Variants in HNRNPC observed in about 807,000 individuals in gnomAD.
The protein encoded by HNRNPC is heterogeneous nuclear ribonucleoproteins C1/C2.
Under a neutral mutation model 33.2 loss-of-function variants are expected in HNRNPC, and 3 were observed. The ratio of observed to expected loss-of-function variants is 0.09; its 90% CI spans 0.04 to 0.23. The LOEUF (loss-of-function observed/expected upper bound fraction) is 0.23. Among genes scored for constraint, HNRNPC ranks in the 10% least tolerant of loss-of-function variants. HNRNPC has a pLI of 1.00. For missense variants in HNRNPC, 143 were observed against 366.7 expected (o/e 0.39, Z 4.98); for synonymous variants, 121 against 126.7 (o/e 0.96, Z 0.30).
At chr14:21,232,509 A>G (rs1239163163) in intron 3 of HNRNPC, among the ~76,000 whole-genome samples, 2 of 151,938 alleles carry the variant, frequency 1.3e-5, no homozygotes, top group East Asian at 3.9e-4. Flanking sequence ...GGCTGGGATT[A>G]CCGGTACCCA....
chr14:21,255,061 T>C (rs1183434028), intron 2 of HNRNPC, among the ~76,000 whole-genome samples: 5 of 152,276 alleles, frequency 3.3e-5, no homozygotes, highest in South Asian at 2.1e-4. Context: ...AACCCACTTA[T>C]GTGAAGATTT....
intron 2 of HNRNPC, among the ~76,000 whole-genome samples, chr14:21,248,999 G>A (rs1896314730): frequency 6.6e-6 from 1 of 152,144 alleles, no homozygotes; most frequent in African/African-American, 2.4e-5. Flanking sequence ...TTGACGTGGA[G>A]GAGCATAACC....
At chr14:21,245,128 G>A (rs1488744470) in intron 2 of HNRNPC, among the ~76,000 whole-genome samples, 1 of 149,480 alleles carries the variant, frequency 6.7e-6, no homozygotes, top group Admixed American at 6.7e-5. Flanking sequence ...AACAAGGGCT[G>A]AGTCTAAGTT....
intron 2 of HNRNPC, among the ~76,000 whole-genome samples, chr14:21,251,792 G>C (rs1277181512): frequency 6.6e-6 from 1 of 152,106 alleles, no homozygotes; most frequent in Non-Finnish European, 1.5e-5. Flanking sequence ...ATTTCTGCAG[G>C]AATACATATA....
intron 2 of HNRNPC, among the ~76,000 whole-genome samples, chr14:21,248,548 T>C (rs1230965587): frequency 1.3e-5 from 2 of 152,100 alleles, no homozygotes; most frequent in Non-Finnish European, 2.9e-5. Context: ...GTGCCGCTGC[T>C]GCTACTGTTA....
chr14:21,265,942 C>CA (rs1878902415), intron 1 of HNRNPC, among the ~76,000 whole-genome samples: 1 of 152,176 alleles, frequency 6.6e-6, no homozygotes. Context: ...ACTAGAAGTG[C>CA]AAACTCTCAG....
At chr14:21,250,833 G>A (rs1413498899) in intron 2 of HNRNPC, among the ~76,000 whole-genome samples, 2 of 152,152 alleles carry the variant, frequency 1.3e-5, no homozygotes, top group Admixed American at 6.5e-5. Flanking sequence ...TTCTAGATTC[G>A]TTCTTTTCAA....
intron 5 of HNRNPC, among the ~76,000 whole-genome samples, chr14:21,223,209 A>T (rs1893036258): frequency 6.6e-6 from 1 of 152,092 alleles, no homozygotes; most frequent in Non-Finnish European, 1.5e-5. Flanking sequence ...CCATCTCAAA[A>T]AGAAAAGCAA....
At chr14:21,262,377 C>G (rs1421040084) in intron 2 of HNRNPC, among the ~76,000 whole-genome samples, 1 of 152,176 alleles carries the variant, frequency 6.6e-6, no homozygotes, top group Non-Finnish European at 1.5e-5. Context: ...CTGCTCTTTC[C>G]AAGTATCCAA....
At chr14:21,249,275 G>A (rs1369267706) in intron 2 of HNRNPC, among the ~76,000 whole-genome samples, 1 of 151,986 alleles carries the variant, frequency 6.6e-6, no homozygotes, top group African/African-American at 2.4e-5. Flanking sequence ...GAACTAAACA[G>A]AATCAAGGAA....
chr14:21,248,401 T>A (rs1896236940), intron 2 of HNRNPC, among the ~76,000 whole-genome samples: 1 of 152,148 alleles, frequency 6.6e-6, no homozygotes, highest in Admixed American at 6.5e-5. Context: ...CTTTGGGAAG[T>A]CAATCTCTTT....
chr14:21,252,553 T>G (rs913659753), intron 2 of HNRNPC, among the ~76,000 whole-genome samples: 3 of 152,212 alleles, frequency 2.0e-5, no homozygotes, highest in African/African-American at 7.2e-5. Context: ...CCTGAAGTGA[T>G]GTGCCCACCT....
intron 2 of HNRNPC, among the ~76,000 whole-genome samples, chr14:21,253,869 T>C (rs1350926818): frequency 6.6e-6 from 1 of 151,632 alleles, no homozygotes; most frequent in South Asian, 2.1e-4. Flanking sequence ...ATCGACACCA[T>C]CCTGGCTAAC....
intron 3 of HNRNPC, chr14:21,231,356 C>A (rs758585692): frequency 7.7e-6 from 4 of 521,942 alleles, no homozygotes; most frequent in South Asian, 6.1e-5. Flanking sequence ...AAATGTGGAA[C>A]AAAACAACTC....
chr14:21,261,137 A>C (rs929770480), intron 2 of HNRNPC, among the ~76,000 whole-genome samples: 1 of 151,976 alleles, frequency 6.6e-6, no homozygotes, highest in African/African-American at 2.4e-5. Context: ...CCCCCAGCTT[A>C]TTTTGGCATG....
In HNRNPC at chr14:21,210,294, A is replaced by C. The variant is rs984097612; in HGVS notation, c.*929T>G. The C allele has an allele frequency of 1.3e-5, 2 of 152,254 alleles. No individual in the cohort carries two copies. Among genetic ancestry groups the C allele is most frequent in the African/African-American group, 4.8e-5 (2 of 41,456 alleles). 9.4% of individuals were successfully genotyped at this position (152,254 alleles called of 1,614,324 possible). On this transcript the variant is annotated 3_prime_UTR_variant, in exon 9 of 9. Transcript: ENST00000553300. ...CCACAAAGCACTGATGAAAAGGCAG[A>C]GAGGATATACTTCCCAAACTTTCAT... is the stretch of plus-strand genomic sequence containing the variant.
chr14:21,236,585 G>A (rs1225912456), intron 2 of HNRNPC: 1 of 152,202 alleles, frequency 6.6e-6, no homozygotes, highest in East Asian at 1.9e-4. Context: ...TGTCCTGAGA[G>A]CTTCCTTAAA....
At chr14:21,212,299 G>C (rs118190136) in intron 6 of HNRNPC, among the ~76,000 whole-genome samples, 2 of 152,114 alleles carry the variant, frequency 1.3e-5, no homozygotes, top group East Asian at 3.9e-4. Context: ...CACTGCATCA[G>C]ACCTTCTGTA....
intron 5 of HNRNPC, among the ~76,000 whole-genome samples, chr14:21,226,569 A>G (rs1893464034): frequency 6.6e-6 from 1 of 152,006 alleles, no homozygotes; most frequent in Non-Finnish European, 1.5e-5. Flanking sequence ...TGAATATTAA[A>G]AAGAGGGCCA....
Sources: gnomAD v4.1 joint callset for allele counts (sites outside exome capture counted in the v4.1 genomes callset) on GRCh38, gnomAD v4.1.1 for gene constraint, MANE v1.5 for transcripts, NCBI Gene and HGNC (gene_info 2026-07-23, HGNC 2026-07-21) for gene names.